The following UNK variants were observed in gnomAD, a reference collection of about 807,000 sequenced individuals.
UNK encodes the protein unk zinc finger.
A neutral mutation model predicts 97.6 loss-of-function variants in UNK; 32 were observed. The ratio of observed to expected loss-of-function variants is 0.33; its 90% CI spans 0.25 to 0.44. UNK has a LOEUF of 0.44. UNK is among the 20% of genes least tolerant of loss of function. The probability of loss-of-function intolerance (pLI) is 1.00; values close to 1 mark genes in which losing one functional copy is unlikely to be tolerated. For synonymous variants in UNK, 441 were observed against 461.2 expected (o/e 0.96, Z 0.56); for missense variants, 771 against 1,098.4 (o/e 0.70, Z 4.21).
At chr17:75,820,976 C>A (rs2062062491) in intron 13 of UNK, among the ~76,000 whole-genome samples, 1 of 152,136 alleles carries the variant, frequency 6.6e-6, no homozygotes. Flanking sequence ...AGGCTGTTCT[C>A]TGTTACGTTG....
intron 1 of UNK, among the ~76,000 whole-genome samples, chr17:75,790,092 G>A (rs989235641): frequency 2.2e-4 from 34 of 152,252 alleles, no homozygotes; most frequent in African/African-American, 7.0e-4. Flanking sequence ...GCAGTGAGCC[G>A]AGATCGCGCC....
At position 75,809,951 on chromosome 17, in the gene UNK, T is replaced by A; in HGVS notation, c.296T>A (p.Leu99His). Residue 99 changes from leucine (L) to histidine (H), a missense_variant, in exon 2 of 16, where the codon CTC (leucine) becomes CAC (histidine). Leu to His is a moderately conservative substitution (Grantham distance 99). Coordinates refer to ENST00000589666, the MANE Select transcript of UNK (RefSeq NM_001080419.3). The stretch of plus-strand genomic sequence containing the variant: ...ACCAAGTACGACGAGGCTACAGGCC[T>A]CTGCCCGGAGGGCGACGAGTGAGTG... ...YCTKYDEATG[L>H]CPEGDECPFL... 1 of 1,613,596 alleles carries A rather than the reference T, an allele frequency of 6.2e-7. No individual in the cohort carries two copies. The highest frequency in any genetic ancestry group is 8.5e-7 in the Non-Finnish European group (1 of 1,179,886).
At chr17:75,810,219 C>A (rs1487966501) in intron 2 of UNK, among the ~76,000 whole-genome samples, 2 of 152,232 alleles carry the variant, frequency 1.3e-5, no homozygotes, top group African/African-American at 2.4e-5. Flanking sequence ...ACATCTGAAC[C>A]CAGGAGGCTC....
At chr17:75,786,239 T>G (rs2061709590) in intron 1 of UNK, among the ~76,000 whole-genome samples, 1 of 152,216 alleles carries the variant, frequency 6.6e-6, no homozygotes, top group Non-Finnish European at 1.5e-5. Context: ...TTCCATTGAT[T>G]TTGGTGAGAT....
At chr17:75,795,371 G>A (rs765511085) in intron 1 of UNK, among the ~76,000 whole-genome samples, 2 of 151,796 alleles carry the variant, frequency 1.3e-5, no homozygotes, top group African/African-American at 2.4e-5. Context: ...ACAGGGTCTC[G>A]CTCTGTTGTC....
intron 15 of UNK, among the ~76,000 whole-genome samples, chr17:75,823,988 C>T (rs1446163345): frequency 3.3e-5 from 5 of 152,220 alleles, no homozygotes; most frequent in Non-Finnish European, 7.3e-5. Flanking sequence ...CCAGCCCTTT[C>T]TGGGCCTCAT....
At position 75,818,910 on chromosome 17, in the gene UNK, C is replaced by T; in HGVS notation, c.1546+94C>T. ...GCGAGTCTCAAATCAGCACACCAGA[C>T]CCCTTAGACATCTGTCTTCGGAAAA... On this transcript the variant is annotated intron_variant, in intron 11 of 15. Transcript: ENST00000589666. This position sits in a 1 kb window ranked among gnomAD's most constrained non-coding sequence, Gnocchi z 5.1. 1 of 1,364,336 alleles carries T rather than the reference C, an allele frequency of 7.3e-7. No individual in the cohort carries two copies. The highest frequency in any genetic ancestry group is 9.7e-7 in the Non-Finnish European group (1 of 1,030,336). The allele number at this position is 1,364,336 out of a possible 1,614,324, so 84.5% of individuals were successfully genotyped here.
At position 75,819,757 on chromosome 17, in the gene UNK, A is replaced by C; in HGVS notation, c.1620A>C (p.Thr540=). The C allele has an allele frequency of 6.2e-7, 1 of 1,613,894 alleles. No homozygotes were observed. The highest frequency in any genetic ancestry group is 8.5e-7 in the Non-Finnish European group (1 of 1,179,892). Residue 540 remains threonine, a synonymous_variant, in exon 12 of 16, where the codon ACA becomes ACC. Coordinates refer to ENST00000589666, the MANE Select transcript of UNK (RefSeq NM_001080419.3). The surrounding 1 kb of genome is among the most constrained non-coding windows in gnomAD (Gnocchi z 5.4). The part of the protein sequence containing the change: ...AALEKTFDNS[T]VPHPGSITIG... ...TGGAGAAGACTTTCGATAACAGCAC[A>C]GTGCCCCACCCAGGAAGCATCACCA... is the stretch of plus-strand genomic sequence containing the variant.
At position 75,819,138 on chromosome 17, in the gene UNK, C is replaced by A. The variant is rs1054954587; in HGVS notation, c.1546+322C>A. On this transcript the variant is annotated intron_variant, in intron 11 of 15. Transcript: ENST00000589666. The surrounding 1 kb of genome is among the most constrained non-coding windows in gnomAD (Gnocchi z 5.4). Reference sequence around the variant, plus strand: ...CTTGTGTAGTGAATGGCCAGCACGACGTTCTCAGAATCCCTGGTGCTAGAA... The same window carrying A: ...CTTGTGTAGTGAATGGCCAGCACGAAGTTCTCAGAATCCCTGGTGCTAGAA... 2 of 294,184 alleles carry A rather than the reference C, an allele frequency of 6.8e-6. No individual in the cohort carries two copies. Among genetic ancestry groups the A allele is most frequent in the African/African-American group, 4.4e-5 (2 of 45,714 alleles). The allele number at this position is 294,184 out of a possible 1,614,324, so 18.2% of individuals were successfully genotyped here.
At chr17:75,809,633 TG>T in intron 1 of UNK, 126 bp from the exon 2 acceptor site, 1 of 988,884 alleles carries the variant, frequency 1.0e-6, no homozygotes, top group East Asian at 2.6e-5. Context: ...GGGTCTCTCC[TG>T]GTGTTCCAGT....
rs921149418 is a variant in UNK, at chr17:75,822,794, C to T, written c.2019+136C>T. 185 of 1,138,834 alleles carry T rather than the reference C, an allele frequency of 1.6e-4. 1 individual carries two copies. In the East Asian group the frequency reaches 3.4e-3, roughly 21 times the overall value. The allele number at this position is 1,138,834 out of a possible 1,614,324, so 70.5% of individuals were successfully genotyped here. On this transcript the variant is annotated intron_variant, in intron 14 of 15. Coordinates refer to ENST00000589666, the MANE Select transcript of UNK (RefSeq NM_001080419.3). ...GAGCAGAAACTCAGTTTTGTTCGCT[C>T]GCTCTCCCCCTGGGAGGACTCGCTT... is the stretch of plus-strand genomic sequence containing the variant.
rs759570326 is a variant in UNK, at chr17:75,816,811, T to C, written c.1003T>C (p.Ser335Pro). The change falls in exon 8 of 16, where the codon TCC becomes CCC. Residue 335 changes from serine to proline, a missense_variant. By Grantham distance (74) the Ser-to-Pro change is moderately conservative. Coordinates refer to ENST00000589666, the MANE Select transcript of UNK (RefSeq NM_001080419.3). This position sits in a 1 kb window ranked among gnomAD's most constrained non-coding sequence, Gnocchi z 4.0. ...SDDLQPSSAVSSPTQPGPVLY... is the reference protein window; with the variant it reads ...SDDLQPSSAVPSPTQPGPVLY... ...CGACCTGCAGCCTTCCTCAGCTGTG[T>C]CCAGCCCCACCCAGCCAGGTCCTGT... The C allele has an allele frequency of 6.8e-6, 11 of 1,606,700 alleles. No individual in the cohort carries two copies. Among genetic ancestry groups the C allele is most frequent in the Non-Finnish European group, 9.3e-6 (11 of 1,179,588 alleles).
intron 15 of UNK, 133 bp downstream of exon 15, chr17:75,823,655 CA>C: frequency 7.7e-7 from 1 of 1,293,636 alleles, no homozygotes; most frequent in Non-Finnish European, 1.0e-6. Context: ...GGCCAGCACT[CA>C]AAAGGCCGGC....
chr17:75,823,204 G>A, intron 14 of UNK, 61 bp from the exon 15 acceptor site: 1 of 1,507,014 alleles, frequency 6.6e-7, no homozygotes, highest in Non-Finnish European at 8.9e-7. Context: ...AAAAGATGAT[G>A]CTCTCTGGGG....
In UNK at chr17:75,784,992, G is replaced by T; in HGVS notation, c.104+8G>T. 4 of 1,300,758 alleles carry T rather than the reference G, an allele frequency of 3.1e-6. No homozygotes were observed. The highest frequency in any genetic ancestry group is 2.0e-6 in the Non-Finnish European group (2 of 1,000,532). 80.6% of individuals were successfully genotyped at this position (1,300,758 alleles called of 1,614,324 possible). ...GAAACCGCAGCACTACACGTACGTA[G>T]AGCCCCCCCCCCCCCGCCGCGCGCG... On this transcript the variant is annotated splice_region_variant and intron_variant, in intron 1 of 15. Transcript: ENST00000589666.
chr17:75,812,633 T>C (rs1034145040), intron 4 of UNK, 48 bp downstream of exon 4: 2 of 1,584,394 alleles, frequency 1.3e-6, no homozygotes, highest in Non-Finnish European at 1.7e-6. Context: ...ATCCTGCTCA[T>C]AGCTGCCCTG....
At chr17:75,803,956 A>G (rs1051662355) in intron 1 of UNK, among the ~76,000 whole-genome samples, 6 of 152,248 alleles carry the variant, frequency 3.9e-5, no homozygotes, top group Non-Finnish European at 4.4e-5. Flanking sequence ...GTGCTTATGC[A>G]AACCCTATGC....
chr17:75,785,284 C>T (rs1367704556), intron 1 of UNK: 3 of 345,334 alleles, frequency 8.7e-6, no homozygotes, highest in African/African-American at 2.2e-5. Context: ...GTTCCTCAGA[C>T]CATAAAACCA....
At chr17:75,803,630 C>T (rs2061883879) in intron 1 of UNK, among the ~76,000 whole-genome samples, 1 of 152,168 alleles carries the variant, frequency 6.6e-6, no homozygotes, top group South Asian at 2.1e-4. Context: ...CAGAAAATAT[C>T]TTAATTTATC....
Sources: gnomAD v4.1 joint callset for allele counts (sites outside exome capture counted in the v4.1 genomes callset) on GRCh38, gnomAD v4.1.1 for gene constraint, Gnocchi (gnomAD v3.1) non-coding constraint, MANE v1.5 for transcripts, NCBI Gene and HGNC (gene_info 2026-07-23, HGNC 2026-07-21) for gene names.